The following TTF2 variants were observed in gnomAD, a reference collection of about 807,000 sequenced individuals.
TTF2 encodes transcription termination factor 2.
Under a neutral mutation model 142.4 loss-of-function variants are expected in TTF2, and 108 were observed. The ratio of observed to expected loss-of-function variants is 0.76; its 90% CI spans 0.65 to 0.89. TTF2 has a LOEUF of 0.89. Ranked by LOEUF, TTF2 falls within the 40% of genes least tolerant of loss-of-function variation. The pLI, the probability that TTF2 is intolerant of heterozygous loss-of-function variation, is 0.00. For missense variants in TTF2, 1,327 were observed against 1,379.8 expected (o/e 0.96, Z 0.61); for synonymous variants, 483 against 506.2 (o/e 0.95, Z 0.61).
intron 3 of TTF2, among the ~76,000 whole-genome samples, chr1:117,064,018 C>T (rs1655889126): frequency 6.6e-6 from 1 of 152,198 alleles, no homozygotes; most frequent in African/African-American, 2.4e-5. Flanking sequence ...CTCCCTTCTG[C>T]CCTCTTCACT....
At chr1:117,096,007 T>C (rs1570881903) in intron 19 of TTF2, 142 bp from the exon 20 acceptor site, 1 of 784,332 alleles carries the variant, frequency 1.3e-6, no homozygotes, top group East Asian at 2.7e-5. Flanking sequence ...CCTAAATGTG[T>C]GCCTTCTCCC....
intron 3 of TTF2, among the ~76,000 whole-genome samples, chr1:117,065,988 C>CTTTTTTT (rs544726052): frequency 4.1e-5 from 4 of 97,952 alleles, no homozygotes; most frequent in African/African-American, 9.5e-5. Flanking sequence ...CACTATATAC[C>CTTTTTTT]TTTTTTTTTT....
In TTF2 at chr1:117,080,894, C is replaced by G. The variant is rs1045003736; in HGVS notation, c.1784-934C>G. ...TGTGACAACAGGCGTCAAAGGTTCC[C>G]TAGGAAGCTCATTAGAGATTTAATG... On this transcript the variant is annotated intron_variant, in intron 9 of 22. Coordinates refer to ENST00000369466, the MANE Select transcript of TTF2 (RefSeq NM_003594.4). This position sits in a 1 kb window ranked among gnomAD's most constrained non-coding sequence, Gnocchi z 4.3. Among the ~76,000 whole-genome samples, 6 of 152,042 alleles carry G rather than the reference C, an allele frequency of 3.9e-5. No individual in the cohort carries two copies. Among genetic ancestry groups the G allele is most frequent in the African/African-American group, 1.4e-4 (6 of 41,410 alleles).
chr1:117,091,990 G>C (rs1648641782), intron 17 of TTF2, 40 bp downstream of exon 17: 2 of 1,560,766 alleles, frequency 1.3e-6, no homozygotes, highest in African/African-American at 1.4e-5. Flanking sequence ...TAGTGCTCCA[G>C]AGGGGCCACC....
chr1:117,081,288 T>A (rs1239351532), intron 9 of TTF2, among the ~76,000 whole-genome samples: 1 of 152,232 alleles, frequency 6.6e-6, no homozygotes, highest in East Asian at 1.9e-4. Flanking sequence ...TCTGTTAAAA[T>A]GAGGATAACC....
In TTF2 at chr1:117,073,597, A is replaced by G. The variant is rs1016259242; in HGVS notation, c.219-64A>G. On this transcript the variant is annotated intron_variant, in intron 3 of 22. Transcript: ENST00000369466. The surrounding 1 kb of genome is among the most constrained non-coding windows in gnomAD (Gnocchi z 4.4). ...CAAGATGTTTTCTTGGATTAAAAAT[A>G]AGCTTATCTCTTGTTCTAATGGATT... 2.0e-6 allele frequency: 3 copies of G among 1,471,500 alleles called. No individual in the cohort carries two copies. Among genetic ancestry groups the G allele is most frequent in the African/African-American group, 2.8e-5 (2 of 71,448 alleles). The allele number at this position is 1,471,500 out of a possible 1,614,324, so 91.2% of individuals were successfully genotyped here.
chr1:117,081,745 CTGCCAG>C, intron 9 of TTF2, 77 bp from the exon 10 acceptor site: 3 of 1,516,576 alleles, frequency 2.0e-6, no homozygotes, highest in Non-Finnish European at 2.7e-6. Flanking sequence ...GGGGAAATGT[CTGCCAG>C]TGGTTTCTCC....
rs764790723 is a variant in TTF2 at position 117,098,907 on chromosome 1, G to A, written c.3344G>A (p.Arg1115Lys). 5 of 1,611,976 alleles carry A rather than the reference G, an allele frequency of 3.1e-6. No homozygotes were observed. Among genetic ancestry groups the A allele is most frequent in the Non-Finnish European group, 4.2e-6 (5 of 1,179,198 alleles). The change falls in exon 22 of 23, where the codon AGA (arginine) becomes AAA (lysine). Residue 1115 changes from arginine (R) to lysine (K), a missense_variant and splice_region_variant. Arg to Lys is a conservative substitution (Grantham distance 26, BLOSUM62 2). Coordinates refer to ENST00000369466, the MANE Select transcript of TTF2 (RefSeq NM_003594.4). ...VGQQKDVVIHRFVCEGTVEEK... is the reference protein window; with the variant it reads ...VGQQKDVVIHKFVCEGTVEEK... ...CAGCAGAAAGATGTTGTCATACACA[G>A]GTAAGTAATGGTCCCCAGGACCCAG...
Position 117,097,574 on chromosome 1 carries a change from A to G in TTF2, c.3269+141A>G. 1 of 803,858 alleles carries G rather than the reference A, an allele frequency of 1.2e-6. No homozygotes were observed. The highest frequency in any genetic ancestry group is 1.6e-5 in the South Asian group (1 of 64,166). 49.8% of individuals were successfully genotyped at this position (803,858 alleles called of 1,614,324 possible). On this transcript the variant is annotated intron_variant, in intron 21 of 22. Coordinates refer to ENST00000369466, the MANE Select transcript of TTF2 (RefSeq NM_003594.4). The surrounding 1 kb of genome is among the most constrained non-coding windows in gnomAD (Gnocchi z 4.1). ...CCTTGCTTTGTATGTGTCTATAGAT[A>G]CAGATCTAAGCAGGGTATAGGGCTA...
chr1:117,086,449 A>G lies in TTF2; in HGVS notation c.2087A>G (p.Tyr696Cys), dbSNP rs767582845. The G allele has an allele frequency of 3.1e-6, 5 of 1,613,942 alleles. No homozygotes were observed. The highest frequency in any genetic ancestry group is 1.7e-5 in the Admixed American group (1 of 60,004). Residue 696 changes from tyrosine to cysteine, a missense_variant, in exon 12 of 23, where the codon TAT becomes TGT. Physicochemically the swap from Tyr to Cys is radical, Grantham distance 194. Transcript: ENST00000369466. The surrounding 1 kb of genome is among the most constrained non-coding windows in gnomAD (Gnocchi z 4.2). ...LSTYDIVITT[Y>C]SLVAKEIPTN... ...ACATATGACATCGTGATCACTACCT[A>G]TAGCCTCGTGGCCAAGGAGATTCCC...
In TTF2 at chr1:117,088,997, G is replaced by A. The variant is rs745846796; in HGVS notation, c.2342+15G>A. On this transcript the variant is annotated intron_variant, in intron 13 of 22. Coordinates refer to ENST00000369466, the MANE Select transcript of TTF2 (RefSeq NM_003594.4). ...TCGCTGCTGAAGTGAGTAACTTCTC[G>A]TGATTGTGTAAATATGAACCCTGTC... 19 of 1,590,082 alleles carry A rather than the reference G, an allele frequency of 1.2e-5. No individual in the cohort carries two copies. Among genetic ancestry groups the A allele is most frequent in the Admixed American group, 1.1e-4 (6 of 56,002 alleles).
Position 117,075,227 on chromosome 1 carries a change from G to C in TTF2, c.643G>C (p.Asp215His). Residue 215 changes from aspartate (D) to histidine (H), a missense_variant, in exon 5 of 23, where the codon GAC becomes CAC. By Grantham distance (81) the Asp-to-His change is moderately conservative (BLOSUM62 -1). Coordinates refer to ENST00000369466, the MANE Select transcript of TTF2 (RefSeq NM_003594.4). This position sits in a 1 kb window ranked among gnomAD's most constrained non-coding sequence, Gnocchi z 4.5. ...AGAGACTGGAGGCACACACAAAAGA[G>C]ACTTTTCTGAAATTAAATCTCAACA... ...EAETGGTHKR[D>H]FSEIKSQQCQ... The C allele has an allele frequency of 6.2e-7, 1 of 1,614,186 alleles. No homozygotes were observed. Among genetic ancestry groups the C allele is most frequent in the Non-Finnish European group, 8.5e-7 (1 of 1,180,040 alleles).
chr1:117,074,710 T>C (rs1052137223), intron 4 of TTF2, among the ~76,000 whole-genome samples, 160 bp from the exon 5 acceptor site: 1 of 151,238 alleles, frequency 6.6e-6, no homozygotes, highest in African/African-American at 2.4e-5. Flanking sequence ...AAACTATCTA[T>C]TGGGCACTAT....
rs778502847 is a variant in TTF2 at position 117,079,474 on chromosome 1, T to C, written c.1702-94T>C. 22 of 1,162,762 alleles carry C rather than the reference T, an allele frequency of 1.9e-5. No homozygotes were observed. Among genetic ancestry groups the C allele is most frequent in the Non-Finnish European group, 2.3e-5 (18 of 779,838 alleles). The allele number at this position is 1,162,762 out of a possible 1,614,324, so 72.0% of individuals were successfully genotyped here. A position where few individuals can be genotyped will look rare whatever the true frequency, so the allele number is the denominator to read the frequency against. On this transcript the variant is annotated intron_variant, in intron 8 of 22. Transcript: ENST00000369466. The surrounding 1 kb of genome is among the most constrained non-coding windows in gnomAD (Gnocchi z 4.2). The stretch of plus-strand genomic sequence containing the variant: ...TACAGAATACTGAGGGAATCATTTG[T>C]AGAAAATAGGAGAGTGTAGAGTTCG...
chr1:117,089,260 C>CTCTATATATATATATATATATA (rs1553198318), intron 13 of TTF2, among the ~76,000 whole-genome samples: 1 of 137,468 alleles, frequency 7.3e-6, no homozygotes, highest in South Asian at 2.4e-4. Flanking sequence ...CAAATATATG[C>CTCTATATATATATATATATATA]TATATATATA....
Position 117,075,259 on chromosome 1 carries a change from A to T in TTF2, c.675A>T (p.Gln225His). The change falls in exon 5 of 23, where the codon CAA (glutamine) becomes CAT (histidine). Residue 225 changes from glutamine to histidine, a missense_variant. Transcript: ENST00000369466. The surrounding 1 kb of genome is among the most constrained non-coding windows in gnomAD (Gnocchi z 4.5). ...DFSEIKSQQC[Q>H]GNELTRPSAS... The stretch of plus-strand genomic sequence containing the variant: ...CTGAAATTAAATCTCAACAGTGCCA[A>T]GGTAATGAGCTTACAAGACCATCTG... 6.2e-7 allele frequency: 1 copy of T among 1,614,256 alleles called. No homozygotes were observed. Among genetic ancestry groups the T allele is most frequent in the African/African-American group, 1.3e-5 (1 of 75,068 alleles).
rs1649553149 is a variant in TTF2, at chr1:117,101,178, A to G, written c.3345-202A>G. 2.0e-5 allele frequency among the ~76,000 whole-genome samples: 3 copies of G among 152,332 alleles called. No individual in the cohort carries two copies. The highest frequency in any genetic ancestry group is 2.1e-4 in the South Asian group (1 of 4,830). ...AGCTTCAGAAAGTATTAAAATGCCA[A>G]TGTGGGTCACATCCTTTTAAAGGGA... On this transcript the variant is annotated intron_variant, in intron 22 of 22. Coordinates refer to ENST00000369466, the MANE Select transcript of TTF2 (RefSeq NM_003594.4). This position sits in a 1 kb window ranked among gnomAD's most constrained non-coding sequence, Gnocchi z 5.9.
Position 117,086,544 on chromosome 1 carries a change from G to A in TTF2, c.2160+22G>A, listed in dbSNP as rs774669223. 2 of 1,581,652 alleles carry A rather than the reference G, an allele frequency of 1.3e-6. No homozygotes were observed. The highest frequency in any genetic ancestry group is 4.5e-5 in the East Asian group (2 of 44,700). On this transcript the variant is annotated intron_variant, in intron 12 of 22. Coordinates refer to ENST00000369466, the MANE Select transcript of TTF2 (RefSeq NM_003594.4). The surrounding 1 kb of genome is among the most constrained non-coding windows in gnomAD (Gnocchi z 4.2). ...GGAGGTGAGGCTGGGGGGCAGCCAGGGAAGTGGAGTTGGAGCCACAGATGG... is the reference window on the plus strand; with the variant it reads ...GGAGGTGAGGCTGGGGGGCAGCCAGAGAAGTGGAGTTGGAGCCACAGATGG...
At chr1:117,062,508 CTTT>C (rs35553508) in intron 3 of TTF2, 35 bp downstream of exon 3, 477 of 1,286,032 alleles carry the variant, frequency 3.7e-4, no homozygotes, top group Admixed American at 6.8e-4. Flanking sequence ...AGTGTATTTG[CTTT>C]TTTTTTTTTT....
Sources: allele counts gnomAD v4.1 joint callset (sites outside exome capture counted in the v4.1 genomes callset), GRCh38; gene constraint gnomAD v4.1.1; non-coding constraint Gnocchi (gnomAD v3.1); transcripts MANE v1.5; gene names NCBI Gene and HGNC (gene_info 2026-07-23, HGNC 2026-07-21).